TMEM202: variants seen among roughly 807,000 people sequenced by gnomAD.
The protein encoded by TMEM202 is transmembrane protein 202.
In TMEM202, 25 loss-of-function variants were observed where a neutral mutation model predicts 26.1. That is an observed-to-expected ratio of 0.96 (90% CI 0.70 to 1.34). The LOEUF is 1.34. TMEM202 is among the 40% of genes most tolerant of loss of function. TMEM202 has a pLI of 0.00. For missense variants in TMEM202, 301 were observed against 327.7 expected (o/e 0.92, Z 0.63); for synonymous variants, 122 against 119.0 (o/e 1.02, Z -0.16).
At position 72,408,174 on chromosome 15, in the gene TMEM202, C is replaced by A; in HGVS notation, c.*281C>A. 2 of 327,296 alleles carry A rather than the reference C, an allele frequency of 6.1e-6. No homozygotes were observed. Among genetic ancestry groups the A allele is most frequent in the East Asian group, 1.2e-4 (2 of 16,502 alleles). The allele number at this position is 327,296 out of a possible 1,614,324, so 20.3% of individuals were successfully genotyped here. ...AAGATGCAGTGTGTAGACCAGAGAC[C>A]TCTTTGGGTATCAGGGATCTCATGG... On this transcript the variant is annotated 3_prime_UTR_variant, in exon 5 of 5. Transcript: ENST00000341689.
At chr15:72,398,471 A>G (rs1660960837) in intron 1 of TMEM202, 64 bp downstream of exon 1, 1 of 1,473,424 alleles carries the variant, frequency 6.8e-7, no homozygotes, top group Non-Finnish European at 9.2e-7. Context: ...GCAGGGCTAC[A>G]CAGAGCATCC....
chr15:72,404,595 T>A (rs1433155318), intron 2 of TMEM202, among the ~76,000 whole-genome samples: 1 of 152,198 alleles, frequency 6.6e-6, no homozygotes, highest in Admixed American at 6.5e-5. Flanking sequence ...GTTTATGTTT[T>A]GTTTTATCTC....
intron 3 of TMEM202, 142 bp downstream of exon 3, chr15:72,406,893 C>G: frequency 8.5e-7 from 1 of 1,174,542 alleles, no homozygotes; most frequent in East Asian, 2.3e-5. Flanking sequence ...TCTGCCTTAT[C>G]TAATTATATA....
At position 72,398,591 on chromosome 15, in the gene TMEM202, G is replaced by A. The variant is rs1047280952; in HGVS notation, c.82-62G>A. On this transcript the variant is annotated intron_variant, in intron 1 of 4. Coordinates refer to ENST00000341689, the MANE Select transcript of TMEM202 (RefSeq NM_001080462.3). ...GGGAATGCTTGAGGTAGAGAAGAGCGGGTGACCCTGGGGATCAGGGGTTAT... is the reference window on the plus strand; with the variant it reads ...GGGAATGCTTGAGGTAGAGAAGAGCAGGTGACCCTGGGGATCAGGGGTTAT... 83 of 1,589,140 alleles carry A rather than the reference G, an allele frequency of 5.2e-5. 1 individual carries two copies. The highest frequency in any genetic ancestry group is 1.7e-4 in the South Asian group (15 of 88,856).
In TMEM202 at chr15:72,407,992, A is replaced by G; in HGVS notation, c.*99A>G. ...GAAACTCTCCTAATATCATGTCCAT[A>G]TTACTTGAGGAGACAGCATTAAAGC... is the stretch of plus-strand genomic sequence containing the variant. On this transcript the variant is annotated 3_prime_UTR_variant, in exon 5 of 5. Coordinates refer to ENST00000341689, the MANE Select transcript of TMEM202 (RefSeq NM_001080462.3). The G allele has an allele frequency of 1.1e-6, 1 of 949,336 alleles. No homozygotes were observed. Among genetic ancestry groups the G allele is most frequent in the African/African-American group, 1.6e-5 (1 of 60,732 alleles). The allele number at this position is 949,336 out of a possible 1,614,324, so 58.8% of individuals were successfully genotyped here.
intron 2 of TMEM202, among the ~76,000 whole-genome samples, chr15:72,404,259 CAAAA>C (rs774919533): frequency 1.3e-5 from 2 of 151,756 alleles, no homozygotes; most frequent in African/African-American, 4.8e-5. Flanking sequence ...ACCAAAAATA[CAAAA>C]AATTAGCCAG....
chr15:72,407,052 T>C, intron 3 of TMEM202, 34 bp from the exon 4 acceptor site: 1 of 1,609,118 alleles, frequency 6.2e-7, no homozygotes, highest in Non-Finnish European at 8.5e-7. Context: ...CTGAAGATGC[T>C]GATGGGTTGT....
intron 4 of TMEM202, 134 bp downstream of exon 4, chr15:72,407,351 C>A: frequency 9.1e-7 from 1 of 1,096,208 alleles, no homozygotes; most frequent in Non-Finnish European, 1.3e-6. Context: ...GTCAGGGGGG[C>A]ATAATGAAGA....
At chr15:72,400,669 G>C (rs1015390998) in intron 2 of TMEM202, among the ~76,000 whole-genome samples, 1 of 152,172 alleles carries the variant, frequency 6.6e-6, no homozygotes, top group Non-Finnish European at 1.5e-5. Flanking sequence ...AGTGTTACCA[G>C]AAAGGGGTCC....
intron 2 of TMEM202, among the ~76,000 whole-genome samples, chr15:72,404,524 T>G (rs935057051): frequency 1.3e-5 from 2 of 152,116 alleles, no homozygotes; most frequent in African/African-American, 4.8e-5. Flanking sequence ...GGATCTCAGA[T>G]AAAGAAAATC....
At chr15:72,399,805 A>G (rs1385771301) in intron 2 of TMEM202, among the ~76,000 whole-genome samples, 1 of 152,268 alleles carries the variant, frequency 6.6e-6, no homozygotes, top group African/African-American at 2.4e-5. Flanking sequence ...GAGGAAAGAT[A>G]TCATTACACT....
chr15:72,407,093 C>T lies in TMEM202; in HGVS notation c.495C>T (p.Cys165=). Residue 165 remains cysteine (C), a synonymous_variant, in exon 4 of 5, where the codon TGC becomes TGT. Coordinates refer to ENST00000341689, the MANE Select transcript of TMEM202 (RefSeq NM_001080462.3). ...CTTTCCTTCTGGTCCTAGCTACCTG[C>T]TTGCTCCTCTGCCTCAACCTGTTTG... The part of the protein sequence containing the change: ...VSMLSFISAT[C]LLLCLNLFVA... 2 of 1,612,132 alleles carry T rather than the reference C, an allele frequency of 1.2e-6. No homozygotes were observed. The highest frequency in any genetic ancestry group is 2.2e-5 in the East Asian group (1 of 44,870).
In TMEM202 at chr15:72,407,178, T is replaced by C. The variant is rs1731759601; in HGVS notation, c.580T>C (p.Tyr194His). Residue 194 changes from tyrosine to histidine, a missense_variant, in exon 4 of 5, where the codon TAT becomes CAT. Physicochemically the swap from Tyr to His is moderately conservative, Grantham distance 83. Coordinates refer to ENST00000341689, the MANE Select transcript of TMEM202 (RefSeq NM_001080462.3). ...AMESDLLWTY[Y>H]LNWCSDIFYM... ...GGAGTCAGATCTCCTATGGACCTAT[T>C]ATCTTAACTGGTGCAGTGACATCTT... is the stretch of plus-strand genomic sequence containing the variant. The C allele has an allele frequency of 1.9e-6, 3 of 1,613,618 alleles. No homozygotes were observed. The South Asian group carries it at 3.3e-5, about 18-fold the overall frequency.
chr15:72,401,974 A>G (rs867565380), intron 2 of TMEM202, among the ~76,000 whole-genome samples: 24 of 152,052 alleles, frequency 1.6e-4, no homozygotes, highest in African/African-American at 4.6e-4. Flanking sequence ...TTATTTATCT[A>G]TTTATTTTTG....
Position 72,407,131 on chromosome 15 carries a change from A to G in TMEM202, c.533A>G (p.His178Arg). 6.2e-7 allele frequency: 1 copy of G among 1,613,152 alleles called. No individual in the cohort carries two copies. The highest frequency in any genetic ancestry group is 8.5e-7 in the Non-Finnish European group (1 of 1,179,784). Residue 178 changes from histidine (H) to arginine (R), a missense_variant, in exon 4 of 5, where the codon CAC becomes CGC. Coordinates refer to ENST00000341689, the MANE Select transcript of TMEM202 (RefSeq NM_001080462.3). ...CTCAACCTGTTTGTGGCACAGGTTC[A>G]CTGGCATACTAGGGATGCCATGGAG... is the stretch of plus-strand genomic sequence containing the variant. ...LCLNLFVAQV[H>R]WHTRDAMESD...
chr15:72,401,657 A>T (rs1446461418), intron 2 of TMEM202, among the ~76,000 whole-genome samples: 3 of 152,204 alleles, frequency 2.0e-5, no homozygotes, highest in Non-Finnish European at 4.4e-5. Context: ...AAATCAAGGA[A>T]ATCAAGCCAG....
Position 72,398,688 on chromosome 15 carries a change from G to A in TMEM202, c.117G>A (p.Ser39=), listed in dbSNP as rs140058943. The A allele has an allele frequency of 2.2e-5, 35 of 1,614,000 alleles. No homozygotes were observed. Among genetic ancestry groups the A allele is most frequent in the Admixed American group, 1.3e-4 (8 of 59,996 alleles). The change falls in exon 2 of 5, where the codon TCG becomes TCA. Residue 39 remains serine (S), a synonymous_variant. Transcript: ENST00000341689. ...CTGCCAAGAAACATCCAAGTGCCTCGATGTCATGCCAAAGGCAGCAGCAGC... is the reference window on the plus strand; with the variant it reads ...CTGCCAAGAAACATCCAAGTGCCTCAATGTCATGCCAAAGGCAGCAGCAGC... ...TVPAKKHPSA[S]MSCQRQQQLM...
rs768677558 is a variant in TMEM202 at position 72,398,791 on chromosome 15, A to G, written c.220A>G (p.Met74Val). Reference protein sequence around the residue: ...CSFSLLMLIAMSPLNWVQFLV... With the variant: ...CSFSLLMLIAVSPLNWVQFLV... ...TTTTAGCCTCCTAATGCTGATCGCC[A>G]TGTCCCCACTGAACTGGGTACAGTT... The change falls in exon 2 of 5, where the codon ATG becomes GTG. Residue 74 changes from methionine to valine, a missense_variant. Coordinates refer to ENST00000341689, the MANE Select transcript of TMEM202 (RefSeq NM_001080462.3). The G allele has an allele frequency of 1.7e-5, 28 of 1,614,002 alleles. No homozygotes were observed. The highest frequency in any genetic ancestry group is 1.2e-4 in the Admixed American group (7 of 59,978).
At position 72,407,126 on chromosome 15, in the gene TMEM202, G is replaced by A; in HGVS notation, c.528G>A (p.Gln176=). 1.9e-6 allele frequency: 3 copies of A among 1,613,024 alleles called. No individual in the cohort carries two copies. Among genetic ancestry groups the A allele is most frequent in the Non-Finnish European group, 2.5e-6 (3 of 1,179,794 alleles). ...TCTGCCTCAACCTGTTTGTGGCACA[G>A]GTTCACTGGCATACTAGGGATGCCA... ...LLLCLNLFVA[Q]VHWHTRDAME... The change falls in exon 4 of 5, where the codon CAG becomes CAA. Residue 176 remains glutamine, a synonymous_variant. Transcript: ENST00000341689.
Sources: gnomAD v4.1 joint callset for allele counts (sites outside exome capture counted in the v4.1 genomes callset) on GRCh38, gnomAD v4.1.1 for gene constraint, MANE v1.5 for transcripts, NCBI Gene and HGNC (gene_info 2026-07-23, HGNC 2026-07-21) for gene names.